Variants in SYT14 observed in about 807,000 individuals in gnomAD.
SYT14 encodes the protein synaptotagmin-14.
SYT14 carries 32 observed loss-of-function variants against 74.2 expected under a neutral mutation model. That is an observed-to-expected ratio of 0.43 (90% CI 0.33 to 0.58). SYT14 has a LOEUF of 0.58. Among genes scored for constraint, SYT14 ranks in the 20% least tolerant of loss-of-function variants. The pLI is 0.05. For synonymous variants in SYT14, 298 were observed against 337.7 expected, an observed-to-expected ratio of 0.88 and a Z score of 1.29; for missense variants, 791 against 981.8, an observed-to-expected ratio of 0.81 and a Z score of 2.60.
chr1:210,128,024 A>G (rs779650873), intron 7 of SYT14, among the ~76,000 whole-genome samples: 7 of 151,880 alleles, frequency 4.6e-5, no homozygotes, highest in South Asian at 4.2e-4. Flanking sequence ...GAGAAAATCC[A>G]TCTCAGTAAA....
chr1:210,111,133 G>A (rs2082254383), intron 7 of SYT14, among the ~76,000 whole-genome samples: 1 of 152,210 alleles, frequency 6.6e-6, no homozygotes, highest in Non-Finnish European at 1.5e-5. Flanking sequence ...GGCTTTGTGT[G>A]AGCAATAAAG....
At chr1:210,144,093 C>T (rs1201715076) in intron 7 of SYT14, among the ~76,000 whole-genome samples, 1 of 152,146 alleles carries the variant, frequency 6.6e-6, no homozygotes, top group African/African-American at 2.4e-5. Context: ...TACAGTTATG[C>T]AATTGCTGCT....
chr1:210,104,121 G>T (rs2082118765), intron 7 of SYT14, among the ~76,000 whole-genome samples: 1 of 152,198 alleles, frequency 6.6e-6, no homozygotes, highest in Non-Finnish European at 1.5e-5. Flanking sequence ...GAGGTATCTG[G>T]TGTTCAGAGG....
chr1:210,072,786 G>T (rs2081418394), intron 5 of SYT14, among the ~76,000 whole-genome samples: 1 of 151,658 alleles, frequency 6.6e-6, no homozygotes, highest in African/African-American at 2.4e-5. Flanking sequence ...ATGCATTTTT[G>T]TTTTAAAATG....
chr1:209,943,079 A>C (rs1434389468), intron 1 of SYT14, among the ~76,000 whole-genome samples: 1 of 152,208 alleles, frequency 6.6e-6, no homozygotes, highest in Non-Finnish European at 1.5e-5. Flanking sequence ...AGACTTTCAA[A>C]AGCCATTTGA....
chr1:210,032,419 C>T (rs909014916), intron 5 of SYT14, among the ~76,000 whole-genome samples: 5 of 152,024 alleles, frequency 3.3e-5, no homozygotes, highest in African/African-American at 9.7e-5. Flanking sequence ...GTATCTCTTA[C>T]TCTCAAATCA....
At chr1:210,032,126 G>A (rs846555) in intron 5 of SYT14, among the ~76,000 whole-genome samples, 52,008 of 151,598 alleles carry the variant, frequency 0.34, 9,885 homozygotes, top group Non-Finnish European at 0.42. Context: ...TTTTTTCACA[G>A]AGAAGGATAT....
At chr1:210,151,962 C>T (rs2083173282) in intron 7 of SYT14, among the ~76,000 whole-genome samples, 1 of 152,108 alleles carries the variant, frequency 6.6e-6, no homozygotes, top group Admixed American at 6.6e-5. Flanking sequence ...TCTTATCTGA[C>T]AGTAGGTTAA....
At chr1:209,954,025 G>A (rs1180031140) in intron 2 of SYT14, among the ~76,000 whole-genome samples, 1 of 152,156 alleles carries the variant, frequency 6.6e-6, no homozygotes. Flanking sequence ...TACTAAAAAT[G>A]TTTGAAATAA....
chr1:210,078,192 C>G (rs2473073), intron 5 of SYT14, among the ~76,000 whole-genome samples: 50,941 of 150,106 alleles, frequency 0.34, 9,524 homozygotes, highest in Non-Finnish European at 0.42. Context: ...CGCCTGTAGT[C>G]CCAGCTACTC....
intron 8 of SYT14, among the ~76,000 whole-genome samples, chr1:210,157,398 C>T (rs1351985956): frequency 2.7e-5 from 4 of 150,892 alleles, no homozygotes; most frequent in South Asian, 2.1e-4. Flanking sequence ...GCCAAGATTG[C>T]ACCACCGCAC....
intron 7 of SYT14, among the ~76,000 whole-genome samples, chr1:210,107,119 A>T (rs1558193369): frequency 6.6e-6 from 1 of 152,218 alleles, no homozygotes. Flanking sequence ...CTTTGACTCC[A>T]TGTCTGACAT....
chr1:210,016,308 C>T (rs879718323), exon 4 of SYT14: 38 of 1,231,962 alleles, frequency 3.1e-5, no homozygotes, highest in Non-Finnish European at 3.7e-5. Flanking sequence ...CAAATAAATA[C>T]TTGTAAAACT....
chr1:209,994,892 G>C (rs1427308186), intron 2 of SYT14, among the ~76,000 whole-genome samples: 1 of 152,102 alleles, frequency 6.6e-6, no homozygotes, highest in Non-Finnish European at 1.5e-5. Context: ...ACCAAACTAA[G>C]CTTCATAAGT....
chr1:209,964,942 A>G (rs1198374227), intron 2 of SYT14, among the ~76,000 whole-genome samples: 1 of 152,220 alleles, frequency 6.6e-6, no homozygotes, highest in Non-Finnish European at 1.5e-5. Context: ...CTGAGGGTCA[A>G]GTTCCCAGAT....
At chr1:210,012,479 T>G (rs185461120) in intron 2 of SYT14, among the ~76,000 whole-genome samples, 5 of 151,804 alleles carry the variant, frequency 3.3e-5, no homozygotes, top group Admixed American at 1.3e-4. Flanking sequence ...AAACAAGGAG[T>G]GTGGTATTGA....
At chr1:210,130,160 G>A (rs1050524830) in intron 7 of SYT14, among the ~76,000 whole-genome samples, 4 of 152,214 alleles carry the variant, frequency 2.6e-5, no homozygotes, top group East Asian at 1.9e-4. Flanking sequence ...CCAGCTAAAC[G>A]AATGGAAAGA....
At chr1:210,058,524 G>A (rs939761430) in intron 5 of SYT14, among the ~76,000 whole-genome samples, 1 of 152,186 alleles carries the variant, frequency 6.6e-6, no homozygotes, top group Non-Finnish European at 1.5e-5. Context: ...CTAATTAGGG[G>A]ATTAGGAGTA....
chr1:210,047,459 G>A lies in SYT14; in HGVS notation c.1312+26205G>A, dbSNP rs1246325890. On this transcript the variant is annotated intron_variant, in intron 5 of 9. Coordinates refer to ENST00000637265, the Ensembl canonical transcript of SYT14. ...GTCGGCCGGGCTGGAGTGCAATGGC[G>A]CAATCTCAACTAACTGCAACCTCCG... Among the ~76,000 whole-genome samples the A allele has an allele frequency of 7.2e-5, 11 of 152,106 alleles. No homozygotes were observed. The East Asian group carries it at 1.4e-3, about 19-fold the overall frequency.
Sources: allele counts gnomAD v4.1 joint callset (sites outside exome capture counted in the v4.1 genomes callset), GRCh38; gene constraint gnomAD v4.1.1; transcripts MANE v1.5; gene names NCBI Gene and HGNC (gene_info 2026-07-23, HGNC 2026-07-21).